The following P2RY8 variants were observed in gnomAD, a reference collection of about 807,000 sequenced individuals.
P2RY8 encodes the protein P2Y receptor family member 8, also known as S-geranylgeranyl-glutathione receptor P2RY8.
Under a neutral mutation model 10.0 loss-of-function variants are expected in P2RY8, and 6 were observed. The ratio of observed to expected loss-of-function variants is 0.60; its 90% confidence interval spans 0.33 to 1.19. P2RY8 has a LOEUF of 1.19. Among genes scored for constraint, P2RY8 ranks in the 50% most tolerant of loss-of-function variants. The pLI is 0.04. For synonymous variants in P2RY8, 276 were observed against 252.5 expected, an observed-to-expected ratio of 1.09 and a Z score of -0.88; for missense variants, 456 against 542.0, an observed-to-expected ratio of 0.84 and a Z score of 1.58.
intron 1 of P2RY8, among the ~76,000 whole-genome samples, chrX:1,483,002 G>C (rs1463144010): frequency 2.6e-5 from 4 of 152,034 alleles, no homozygotes; most frequent in African/African-American, 9.7e-5. Flanking sequence ...TAAATGACGA[G>C]TTAATGGGTG....
chrX:1,526,396 C>CCAT (rs2092440438), intron 1 of P2RY8, among the ~76,000 whole-genome samples: 1 of 151,688 alleles, frequency 6.6e-6, no homozygotes, highest in Non-Finnish European at 1.5e-5. Flanking sequence ...TATTCACTCA[C>CCAT]CCATTCATTT....
chrX:1,510,529 G>A (rs1384219637), intron 1 of P2RY8, among the ~76,000 whole-genome samples: 2 of 152,136 alleles, frequency 1.3e-5, no homozygotes, highest in East Asian at 3.8e-4. Context: ...CTGACAATGG[G>A]CTGGTTCTGG....
chrX:1,489,767 C>G (rs1410570397), intron 1 of P2RY8, among the ~76,000 whole-genome samples: 843 of 139,580 alleles, frequency 6.0e-3, no homozygotes, highest in Middle Eastern at 0.037. Context: ...CCCAGATTCA[C>G]TTCTGCAAAT....
chrX:1,477,355 A>G (rs2091887550), intron 1 of P2RY8, among the ~76,000 whole-genome samples: 2 of 151,968 alleles, frequency 1.3e-5, no homozygotes, highest in African/African-American at 4.8e-5. Context: ...CTATCAATCG[A>G]TCATCTATCT....
intron 1 of P2RY8, among the ~76,000 whole-genome samples, chrX:1,513,717 A>C (rs1469231863): frequency 2.0e-5 from 3 of 147,504 alleles, no homozygotes; most frequent in African/African-American, 7.5e-5. Flanking sequence ...CCACTATTCA[A>C]TCCACTACAA....
intron 1 of P2RY8, among the ~76,000 whole-genome samples, chrX:1,509,646 CATCT>C (rs1255044494): frequency 5.0e-5 from 7 of 141,088 alleles, no homozygotes; most frequent in East Asian, 2.1e-4. Flanking sequence ...TCTATTCATC[CATCT>C]GTCTATCCTG....
chrX:1,524,631 A>G lies in P2RY8; in HGVS notation c.-25+12290T>C, dbSNP rs1198020495. 6.1e-5 allele frequency among the ~76,000 whole-genome samples: 6 copies of G among 98,714 alleles called. 1 individual carries two copies. The highest frequency in any genetic ancestry group is 2.6e-4 in the African/African-American group (6 of 23,308). 64.8% of individuals were successfully genotyped at this position (98,714 alleles called of 152,430 possible). On this transcript the variant is annotated intron_variant, in intron 1 of 1. Transcript: ENST00000381297. Reference sequence around the variant, plus strand: ...TATCCATCCATCCATCCATTCATCCATCCATCCATCCATACATCCATCCAT... The same window carrying G: ...TATCCATCCATCCATCCATTCATCCGTCCATCCATCCATACATCCATCCAT...
rs183775358 is a variant in P2RY8, at chrX:1,537,082, C to T, written c.-186G>A. The T allele has an allele frequency of 0.013, 3,100 of 232,612 alleles. 99 individuals carry two copies. The highest frequency in any genetic ancestry group is 0.063 in the African/African-American group (2,870 of 45,390). 14.4% of individuals were successfully genotyped at this position (232,612 alleles called of 1,614,324 possible). A position where few individuals can be genotyped will look rare whatever the true frequency, so the allele number is the denominator to read the frequency against. On this transcript the variant is annotated 5_prime_UTR_variant, in exon 1 of 2. Coordinates refer to ENST00000381297, the MANE Select transcript of P2RY8 (RefSeq NM_178129.5). The stretch of plus-strand genomic sequence containing the variant: ...CACTCAAAGTGCTTGAGAAGGTGTT[C>T]GTGGGCGGCAGACGGCTGCCCTTCC...
At chrX:1,509,781 C>CTATTTATT (rs1204139625) in intron 1 of P2RY8, among the ~76,000 whole-genome samples, 1 of 96,152 alleles carries the variant, frequency 1.0e-5, no homozygotes, top group Non-Finnish European at 2.1e-5. Flanking sequence ...ATCTATCTAT[C>CTATTTATT]ATCTATGTAT....
In P2RY8 at chrX:1,464,781, G is replaced by T. The variant is rs1180161592; in HGVS notation, c.*698C>A. ...CCAAAAATCACCTTGGTCAGCAACA[G>T]GGTGGGGTGTGTGTGTGGGGGGAAG... is the stretch of plus-strand genomic sequence containing the variant. On this transcript the variant is annotated 3_prime_UTR_variant, in exon 2 of 2. Coordinates refer to ENST00000381297, the MANE Select transcript of P2RY8 (RefSeq NM_178129.5). The T allele has an allele frequency of 1.3e-5, 3 of 226,834 alleles. No homozygotes were observed. The highest frequency in any genetic ancestry group is 1.8e-5 in the Non-Finnish European group (2 of 114,036). 14.1% of individuals were successfully genotyped at this position (226,834 alleles called of 1,614,324 possible).
chrX:1,465,343 A>G lies in P2RY8; in HGVS notation c.*136T>C. On this transcript the variant is annotated 3_prime_UTR_variant, in exon 2 of 2. Coordinates refer to ENST00000381297, the MANE Select transcript of P2RY8 (RefSeq NM_178129.5). ...TGCCTGGGAGGAATAAAGCCTGGAG[A>G]CCCTTCCCCACCGGGCCTCTGCAGT... 7.2e-7 allele frequency: 1 copy of G among 1,389,122 alleles called. No homozygotes were observed. The highest frequency in any genetic ancestry group is 1.4e-5 in the African/African-American group (1 of 69,190). 86.0% of individuals were successfully genotyped at this position (1,389,122 alleles called of 1,614,324 possible).
chrX:1,521,944 C>CTTTTTTTTTTTTTTTT (rs751056296), intron 1 of P2RY8, among the ~76,000 whole-genome samples: 2 of 39,030 alleles, frequency 5.1e-5, no homozygotes, highest in East Asian at 9.4e-4. Flanking sequence ...CTCTCGCTCT[C>CTTTTTTTTTTTTTTTT]TTTTTTTTTT....
intron 1 of P2RY8, among the ~76,000 whole-genome samples, chrX:1,498,540 G>A (rs9698747): frequency 0.47 from 69,870 of 149,772 alleles, 17,750 homozygotes; most frequent in Non-Finnish European, 0.58. Flanking sequence ...TTTTTCAGAC[G>A]GAGTTTTCCT....
At chrX:1,491,546 A>G (rs2149391361) in intron 1 of P2RY8, among the ~76,000 whole-genome samples, 1 of 151,014 alleles carries the variant, frequency 6.6e-6, no homozygotes, top group Non-Finnish European at 1.5e-5. Context: ...CTAGTTCCTG[A>G]CAAGTGTGGA....
intron 1 of P2RY8, among the ~76,000 whole-genome samples, chrX:1,509,584 C>T (rs1415926944): frequency 3.1e-5 from 4 of 130,064 alleles, no homozygotes; most frequent in African/African-American, 1.3e-4. Context: ...TCCATCCATT[C>T]ATTGTATCTA....
intron 1 of P2RY8, among the ~76,000 whole-genome samples, chrX:1,516,356 G>A (rs1173190535): frequency 4.6e-5 from 7 of 152,152 alleles, no homozygotes; most frequent in Non-Finnish European, 5.9e-5. Flanking sequence ...AGAAGACGGT[G>A]TCTACAAGCC....
intron 1 of P2RY8, among the ~76,000 whole-genome samples, chrX:1,493,682 C>T (rs749447038): frequency 2.2e-4 from 33 of 152,260 alleles, no homozygotes; most frequent in Admixed American, 5.2e-4. Context: ...TTTCTTCATC[C>T]GAGAGCCACC....
At position 1,477,168 on chromosome X, in the gene P2RY8, G is replaced by A. The variant is rs769266972; in HGVS notation, c.-24-10586C>T. 3.8e-3 allele frequency among the ~76,000 whole-genome samples: 574 copies of A among 149,106 alleles called. 2 individuals carry two copies. Among genetic ancestry groups the A allele is most frequent in the Middle Eastern group, 0.037 (11 of 294 alleles). ...TGTGCCATTGCACCCCAGCCTGGGC[G>A]ACAGAGCAAGACTGCATCTCAAAAA... is the stretch of plus-strand genomic sequence containing the variant. On this transcript the variant is annotated intron_variant, in intron 1 of 1. Coordinates refer to ENST00000381297, the MANE Select transcript of P2RY8 (RefSeq NM_178129.5).
rs1197721958 is a variant in P2RY8, at chrX:1,465,357, G to GT, written c.*121_*122insA. ...AAAGCCTGGAGACCCTTCCCCACCG[G>GT]GCCTCTGCAGTGCCTGGGAGCAACG... On this transcript the variant is annotated 3_prime_UTR_variant, in exon 2 of 2. Transcript: ENST00000381297. 1 of 1,458,620 alleles carries GT rather than the reference G, an allele frequency of 6.9e-7. No homozygotes were observed. Among genetic ancestry groups the GT allele is most frequent in the Non-Finnish European group, 9.1e-7 (1 of 1,098,736 alleles). 90.4% of individuals were successfully genotyped at this position (1,458,620 alleles called of 1,614,324 possible).
Sources: allele counts gnomAD v4.1 joint callset (sites outside exome capture counted in the v4.1 genomes callset), GRCh38; gene constraint gnomAD v4.1.1; transcripts MANE v1.5; gene names NCBI Gene and HGNC (gene_info 2026-07-23, HGNC 2026-07-21).